PRELID3A: variants seen among roughly 807,000 people sequenced by gnomAD.
PRELID3A encodes PRELI domain containing 3A.
PRELID3A carries 27 observed loss-of-function variants against 23.0 expected under a neutral mutation model. The observed-to-expected ratio is 1.17, with a 90% CI of 0.87 to 1.62. The LOEUF is 1.62. Ranked by LOEUF, PRELID3A falls within the 40% of genes most tolerant of loss-of-function variation. PRELID3A has a pLI of 0.00. For synonymous variants in PRELID3A, 87 were observed against 86.4 expected, an observed-to-expected ratio of 1.01 and a Z score of -0.04; for missense variants, 231 against 231.4, an observed-to-expected ratio of 1.00 and a Z score of 0.01.
At chr18:12,416,269 G>A (rs537678820) in intron 1 of PRELID3A, among the ~76,000 whole-genome samples, 51 of 152,234 alleles carry the variant, frequency 3.4e-4, no homozygotes, top group Non-Finnish European at 5.9e-4. Flanking sequence ...CATTGAAAGC[G>A]TGTCAGGCTA....
chr18:12,415,164 A>C (rs565800845), intron 1 of PRELID3A, among the ~76,000 whole-genome samples: 152 of 151,746 alleles, frequency 1.0e-3, no homozygotes, highest in African/African-American at 3.5e-3. Flanking sequence ...TCCTGGTCTC[A>C]AGTGAACTTC....
chr18:12,421,587 G>A lies in PRELID3A; in HGVS notation c.249G>A (p.Val83=), dbSNP rs756643333. Residue 83 remains valine, a synonymous_variant, in exon 3 of 7, where the codon GTG becomes GTA. Coordinates refer to ENST00000440960, the MANE Select transcript of PRELID3A (RefSeq NM_001142405.2). ...RTLTYIREHS[V]VDPVEKKMEL... ...TGACATACATCCGAGAACATTCTGT[G>A]GTGGATCCAGTGGAAAAGAAAATGG... 8 of 1,613,676 alleles carry A rather than the reference G, an allele frequency of 5.0e-6. No homozygotes were observed. The highest frequency in any genetic ancestry group is 3.3e-4 in the Middle Eastern group (2 of 6,082).
intron 3 of PRELID3A, among the ~76,000 whole-genome samples, chr18:12,423,707 G>A (rs1475642141): frequency 1.3e-5 from 2 of 152,210 alleles, no homozygotes; most frequent in Admixed American, 1.3e-4. Flanking sequence ...GGTGGGTGCA[G>A]TGGGTGGGGA....
Position 12,431,424 on chromosome 18 carries a change from GC to G in PRELID3A, c.*310del. On this transcript the variant is annotated 3_prime_UTR_variant, in exon 7 of 7. Transcript: ENST00000440960. ...AGGGGCGGCGCCCATCGTCCTGCCTGCCGCAGTGGCCCAGCCCCTTCTCTCC... is the reference window on the plus strand; with the variant it reads ...AGGGGCGGCGCCCATCGTCCTGCCTGCGCAGTGGCCCAGCCCCTTCTCTCC... 6.6e-6 allele frequency: 1 copy of G among 152,220 alleles called. No homozygotes were observed. Among genetic ancestry groups the G allele is most frequent in the Non-Finnish European group, 1.5e-5 (1 of 68,134 alleles). The allele number at this position is 152,220 out of a possible 1,614,324, so 9.4% of individuals were successfully genotyped here. A position where few individuals can be genotyped will look rare whatever the true frequency, so the allele number is the denominator to read the frequency against.
At chr18:12,415,960 C>T (rs540960605) in intron 1 of PRELID3A, among the ~76,000 whole-genome samples, 35 of 152,328 alleles carry the variant, frequency 2.3e-4, no homozygotes, top group African/African-American at 7.9e-4. Context: ...ATAGGATTCC[C>T]CAGAGGTCTC....
At chr18:12,416,770 C>A (rs9960580) in intron 1 of PRELID3A, among the ~76,000 whole-genome samples, 2 of 151,810 alleles carry the variant, frequency 1.3e-5, no homozygotes, top group African/African-American at 2.4e-5. Context: ...CTCAGCCTCC[C>A]GAGTAGCTGG....
At chr18:12,424,758 G>A (rs1249429242) in intron 3 of PRELID3A, among the ~76,000 whole-genome samples, 1 of 152,202 alleles carries the variant, frequency 6.6e-6, no homozygotes, top group African/African-American at 2.4e-5. Flanking sequence ...TGAGAAGAGG[G>A]TGAACTGAGT....
chr18:12,411,383 A>G (rs577299347), intron 1 of PRELID3A, among the ~76,000 whole-genome samples: 3 of 147,184 alleles, frequency 2.0e-5, no homozygotes, highest in Non-Finnish European at 3.0e-5. Context: ...GGAGAATGGC[A>G]TGAACCCGGG....
intron 5 of PRELID3A, 116 bp downstream of exon 5, chr18:12,427,439 G>A (rs1447629225): frequency 3.6e-6 from 3 of 834,070 alleles, no homozygotes; most frequent in African/African-American, 3.4e-5. Context: ...GCTCATGTCT[G>A]TAATCCTAGC....
intron 3 of PRELID3A, 54 bp downstream of exon 3, chr18:12,421,683 G>T: frequency 8.3e-7 from 1 of 1,197,710 alleles, no homozygotes; most frequent in Non-Finnish European, 1.2e-6. Flanking sequence ...GTGGTGGTGC[G>T]TAAGGCCTTC....
rs12232560 is a variant in PRELID3A at position 12,419,061 on chromosome 18, C to A, written c.33-1264C>A. ...AAGTTGGGCTGGGCACGGTGGCTCA[C>A]GCCTGTAATCCTAGCACTTTGGGAC... On this transcript the variant is annotated intron_variant, in intron 1 of 6. Coordinates refer to ENST00000440960, the MANE Select transcript of PRELID3A (RefSeq NM_001142405.2). 4.0e-3 allele frequency among the ~76,000 whole-genome samples: 616 copies of A among 152,186 alleles called. 19 individuals carry two copies. The East Asian group carries it at 0.064, about 16-fold the overall frequency.
chr18:12,424,113 G>C (rs117147022), intron 3 of PRELID3A, among the ~76,000 whole-genome samples: 2 of 152,212 alleles, frequency 1.3e-5, no homozygotes, highest in East Asian at 3.8e-4. Flanking sequence ...GTCCCAGGCT[G>C]CACAAAGTCA....
chr18:12,423,101 G>A (rs2030243810), intron 3 of PRELID3A, among the ~76,000 whole-genome samples: 1 of 152,240 alleles, frequency 6.6e-6, no homozygotes, highest in African/African-American at 2.4e-5. Flanking sequence ...AGGTGACAGG[G>A]AGCCTGGCAG....
At chr18:12,425,123 T>A (rs1357598703) in intron 3 of PRELID3A, among the ~76,000 whole-genome samples, 1 of 147,050 alleles carries the variant, frequency 6.8e-6, no homozygotes, top group Non-Finnish European at 1.5e-5. Flanking sequence ...AGAGTGAAAC[T>A]CCATCTGAAA....
intron 3 of PRELID3A, among the ~76,000 whole-genome samples, chr18:12,423,728 G>T (rs1292153643): frequency 6.6e-6 from 1 of 152,178 alleles, no homozygotes; most frequent in Non-Finnish European, 1.5e-5. Context: ...CAGGGCTGAG[G>T]AGCAGGTCAT....
At chr18:12,408,952 C>T (rs1909818700) in intron 1 of PRELID3A, among the ~76,000 whole-genome samples, 1 of 152,090 alleles carries the variant, frequency 6.6e-6, no homozygotes, top group East Asian at 1.9e-4. Context: ...GGTATCTTTT[C>T]CTTAAGTCAG....
At chr18:12,430,488 TGTG>T (rs1047143587) in intron 6 of PRELID3A, among the ~76,000 whole-genome samples, 5 of 143,490 alleles carry the variant, frequency 3.5e-5, no homozygotes, top group African/African-American at 5.4e-5. Context: ...GGTGTGTGTG[TGTG>T]GTGTGTATGC....
At chr18:12,422,102 G>C (rs893095859) in intron 3 of PRELID3A, 2 of 152,898 alleles carry the variant, frequency 1.3e-5, no homozygotes, top group African/African-American at 4.8e-5. Context: ...ACCATCCCTG[G>C]CTGTTTTTTT....
chr18:12,429,410 C>T lies in PRELID3A; in HGVS notation c.*7C>T, dbSNP rs1568167235. The T allele has an allele frequency of 5.6e-6, 9 of 1,612,988 alleles. No homozygotes were observed. The highest frequency in any genetic ancestry group is 7.6e-6 in the Non-Finnish European group (9 of 1,179,288). ...TGAAAGCGCTGTGAGCTAAGGAGGC[C>T]TGTGCCTGTGCTTGTCATAAATGGT... On this transcript the variant is annotated 3_prime_UTR_variant, in exon 6 of 7. Coordinates refer to ENST00000440960, the MANE Select transcript of PRELID3A (RefSeq NM_001142405.2).
Sources: gnomAD v4.1 joint callset for allele counts (sites outside exome capture counted in the v4.1 genomes callset) on GRCh38, gnomAD v4.1.1 for gene constraint, MANE v1.5 for transcripts, NCBI Gene and HGNC (gene_info 2026-07-23, HGNC 2026-07-21) for gene names.